The following DPP6 variants were observed in gnomAD, a reference collection of about 807,000 sequenced individuals.
DPP6 encodes the protein A-type potassium channel modulatory protein DPP6.
In DPP6, 69 loss-of-function variants were observed where a neutral mutation model predicts 122.6. The observed-to-expected ratio is 0.56, with a 90% CI of 0.46 to 0.69. DPP6 has a LOEUF of 0.69. Among genes scored for constraint, DPP6 ranks in the 30% least tolerant of loss-of-function variants. The pLI is 0.00. For missense variants in DPP6, 928 were observed against 1,116.9 expected (o/e 0.83, Z 2.41); for synonymous variants, 418 against 433.1 (o/e 0.97, Z 0.43).
chr7:154,841,833 A>T (rs1459243841), intron 16 of DPP6, among the ~76,000 whole-genome samples: 1 of 151,966 alleles, frequency 6.6e-6, no homozygotes, highest in Non-Finnish European at 1.5e-5. Context: ...GGACACATAA[A>T]ATTGGATTGA....
At chr7:154,826,120 G>A (rs1411757045) in intron 16 of DPP6, among the ~76,000 whole-genome samples, 1 of 152,222 alleles carries the variant, frequency 6.6e-6, no homozygotes, top group Non-Finnish European at 1.5e-5. Context: ...AGGATTGTGA[G>A]CAGTTCCAAT....
At chr7:154,629,575 A>T (rs1455288903) in intron 5 of DPP6, among the ~76,000 whole-genome samples, 20 of 150,916 alleles carry the variant, frequency 1.3e-4, no homozygotes, top group Admixed American at 1.3e-3. Context: ...TAGCTTAAGA[A>T]AATCTGACTC....
rs189075986 is a variant in DPP6, at chr7:154,028,050, G to A, written c.51+140316G>A. ...TCCACAGACCACTGCATGGTGCTTC[G>A]TCACCACCGGCCGGTGCTCCCATGG... On this transcript the variant is annotated intron_variant, in intron 1 of 25. Transcript: ENST00000404039. Among the ~76,000 whole-genome samples, 138 of 151,458 alleles carry A rather than the reference G, an allele frequency of 9.1e-4. 3 individuals are homozygous for A. The highest frequency in any genetic ancestry group is 3.4e-3 in the Middle Eastern group (1 of 294).
intron 1 of DPP6, among the ~76,000 whole-genome samples, chr7:153,912,829 A>T (rs1800147502): frequency 6.6e-6 from 1 of 152,194 alleles, no homozygotes; most frequent in Non-Finnish European, 1.5e-5. Flanking sequence ...CACAGCAGGT[A>T]ATCTCTTTGG....
At chr7:154,104,171 GC>G (rs1404917584) in intron 1 of DPP6, among the ~76,000 whole-genome samples, 1 of 152,200 alleles carries the variant, frequency 6.6e-6, no homozygotes, top group African/African-American at 2.4e-5. Context: ...ACGTGGCCTT[GC>G]CTTTCTGGAA....
At chr7:153,837,773 G>A in the DPP6 span, among the ~76,000 whole-genome samples, 2 of 150,894 alleles carry the variant, frequency 1.3e-5, no homozygotes, top group African/African-American at 4.9e-5. Context: ...CCACTTCCCA[G>A]GTTCAAGCAA....
chr7:154,203,829 C>T (rs1799297398), intron 1 of DPP6, among the ~76,000 whole-genome samples: 1 of 152,198 alleles, frequency 6.6e-6, no homozygotes, highest in South Asian at 2.1e-4. Flanking sequence ...CCGTTTCCCT[C>T]CTCAAGTCGT....
At position 154,892,490 on chromosome 7, in the gene DPP6, G is replaced by A. The variant is rs1486927083; in HGVS notation, c.*10G>A. 2.5e-6 allele frequency: 4 copies of A among 1,613,420 alleles called. No individual in the cohort carries two copies. The highest frequency in any genetic ancestry group is 1.3e-5 in the African/African-American group (1 of 74,916). ...CGAGGAGGAGGACTAAGCTCAGGTC[G>A]CTCTAAGCACAAACGTGGCTCTTTC... On this transcript the variant is annotated 3_prime_UTR_variant, in exon 26 of 26. Coordinates refer to ENST00000377770, the MANE Select transcript of DPP6 (RefSeq NM_130797.4).
At chr7:154,721,565 A>G (rs548618425) in intron 7 of DPP6, among the ~76,000 whole-genome samples, 12 of 152,368 alleles carry the variant, frequency 7.9e-5, no homozygotes, top group African/African-American at 2.9e-4. Flanking sequence ...CGTAAGGGAA[A>G]TGTTCATGAC....
chr7:153,936,347 T>C (rs1012851701), intron 1 of DPP6, among the ~76,000 whole-genome samples: 1 of 152,160 alleles, frequency 6.6e-6, no homozygotes, highest in Non-Finnish European at 1.5e-5. Flanking sequence ...GCAGGATGGC[T>C]GGAGCGGCCA....
intron 16 of DPP6, among the ~76,000 whole-genome samples, chr7:154,826,378 G>T (rs1487290792): frequency 6.6e-6 from 1 of 152,098 alleles, no homozygotes; most frequent in Admixed American, 6.6e-5. Context: ...ATTAGCATGG[G>T]TGACATTTTC....
intron 3 of DPP6, among the ~76,000 whole-genome samples, chr7:154,538,530 G>T (rs1215237771): frequency 6.6e-6 from 1 of 152,140 alleles, no homozygotes; most frequent in Non-Finnish European, 1.5e-5. Flanking sequence ...TAGAAGCAGA[G>T]AACTTGGAAC....
At chr7:154,774,393 C>G (rs1312460147) in intron 10 of DPP6, among the ~76,000 whole-genome samples, 1 of 152,212 alleles carries the variant, frequency 6.6e-6, no homozygotes, top group Non-Finnish European at 1.5e-5. Flanking sequence ...GTCCAGCAAA[C>G]TCACTGAATT....
At chr7:154,351,795 G>C (rs1046563462) in intron 1 of DPP6, among the ~76,000 whole-genome samples, 7 of 152,124 alleles carry the variant, frequency 4.6e-5, no homozygotes, top group Non-Finnish European at 8.8e-5. Flanking sequence ...GAGCCTGCAT[G>C]GGGGGCCTCT....
At chr7:154,850,686 G>GT (rs1315744489) in intron 16 of DPP6, among the ~76,000 whole-genome samples, 1 of 152,120 alleles carries the variant, frequency 6.6e-6, no homozygotes, top group Admixed American at 6.5e-5. Context: ...TAGATTATAT[G>GT]TTTTTAGGAA....
the DPP6 span, among the ~76,000 whole-genome samples, chr7:153,825,292 C>T: frequency 6.6e-6 from 1 of 152,024 alleles, no homozygotes; most frequent in African/African-American, 2.4e-5. Context: ...TAAGGAGGAC[C>T]ACTTATGAAT....
chr7:154,103,800 G>A (rs1176785752), intron 1 of DPP6, among the ~76,000 whole-genome samples: 1 of 152,228 alleles, frequency 6.6e-6, no homozygotes, highest in African/African-American at 2.4e-5. Flanking sequence ...AGCTTCTCCT[G>A]CCCTTGGACA....
chr7:154,476,046 G>C (rs574087599), intron 3 of DPP6: 30 of 152,168 alleles, frequency 2.0e-4, no homozygotes, highest in Non-Finnish European at 2.1e-4. Flanking sequence ...CTGTCAAACT[G>C]CTTCTAAAAT....
chr7:154,666,738 C>G (rs908785902), intron 6 of DPP6, among the ~76,000 whole-genome samples: 1 of 152,200 alleles, frequency 6.6e-6, no homozygotes, highest in Non-Finnish European at 1.5e-5. Context: ...GATGTACCGT[C>G]ATTTATTCAA....
Sources: gnomAD v4.1 joint callset for allele counts (sites outside exome capture counted in the v4.1 genomes callset) on GRCh38, gnomAD v4.1.1 for gene constraint, MANE v1.5 for transcripts, NCBI Gene and HGNC (gene_info 2026-07-23, HGNC 2026-07-21) for gene names.